Variants in CCDC88A observed in about 807,000 individuals in gnomAD.
The protein encoded by CCDC88A is coiled-coil and HOOK domain protein 88A.
CCDC88A carries 54 observed loss-of-function variants against 234.3 expected under a neutral mutation model. The ratio of observed to expected loss-of-function variants is 0.23; its 90% CI spans 0.19 to 0.29. The LOEUF (loss-of-function observed/expected upper bound fraction) is 0.29. Ranked by LOEUF, CCDC88A falls within the 10% of genes least tolerant of loss-of-function variation. The probability of loss-of-function intolerance (pLI) is 1.00; values close to 1 mark genes in which losing one functional copy is unlikely to be tolerated. For missense variants in CCDC88A, 1,832 were observed against 2,123.4 expected (o/e 0.86, Z 2.70); for synonymous variants, 753 against 737.8 (o/e 1.02, Z -0.33).
intron 7 of CCDC88A, chr2:55,362,003 T>C: frequency 4.9e-6 from 1 of 202,970 alleles, no homozygotes; most frequent in Non-Finnish European, 9.8e-6. Flanking sequence ...ACATCAACTA[T>C]ATTTTCAGTT....
intron 3 of CCDC88A, among the ~76,000 whole-genome samples, chr2:55,380,308 C>G (rs187025320): frequency 1.1e-4 from 17 of 151,856 alleles, no homozygotes; most frequent in Admixed American, 4.6e-4. Flanking sequence ...ATGAGGAGAA[C>G]GTTAAAATTT....
In CCDC88A at chr2:55,408,106, C is replaced by A. The variant is rs1255608714; in HGVS notation, c.164+10710G>T. Among the ~76,000 whole-genome samples the A allele has an allele frequency of 2.6e-5, 4 of 151,972 alleles. No homozygotes were observed. The East Asian group carries it at 5.8e-4, about 22-fold the overall frequency. On this transcript the variant is annotated intron_variant, in intron 2 of 32. Coordinates refer to ENST00000436346, the MANE Select transcript of CCDC88A (RefSeq NM_001365480.1). ...CATTAAAAAAATAAGGAAGAAAGTTCCTTCTCCACTTTACGTATCTTCATT... is the reference window on the plus strand; with the variant it reads ...CATTAAAAAAATAAGGAAGAAAGTTACTTCTCCACTTTACGTATCTTCATT...
intron 2 of CCDC88A, among the ~76,000 whole-genome samples, chr2:55,397,691 CA>C (rs1677860946): frequency 2.6e-5 from 4 of 151,418 alleles, no homozygotes; most frequent in Admixed American, 2.6e-4. Flanking sequence ...TGATTTTTTT[CA>C]AAAAAAGTGT....
At chr2:55,394,705 G>A (rs548173526) in intron 2 of CCDC88A, 18 of 150,536 alleles carry the variant, frequency 1.2e-4, no homozygotes, top group African/African-American at 4.2e-4. Flanking sequence ...TATACCTAAT[G>A]CTAAATGATG....
In CCDC88A at chr2:55,291,700, G is replaced by A; in HGVS notation, c.*11C>T. 6.3e-7 allele frequency: 1 copy of A among 1,581,144 alleles called. No homozygotes were observed. Among genetic ancestry groups the A allele is most frequent in the Middle Eastern group, 1.7e-4 (1 of 6,004 alleles). ...CCACTTGGCCCACATGTCATGTAGTGGGTAATAGAATTAGGAGCTTTGTTG... is the reference window on the plus strand; with the variant it reads ...CCACTTGGCCCACATGTCATGTAGTAGGTAATAGAATTAGGAGCTTTGTTG... On this transcript the variant is annotated 3_prime_UTR_variant, in exon 32 of 33. Transcript: ENST00000436346.
intron 13 of CCDC88A, among the ~76,000 whole-genome samples, chr2:55,338,781 G>T (rs930545802): frequency 2.0e-5 from 3 of 152,238 alleles, no homozygotes; most frequent in South Asian, 2.1e-4. Context: ...CCACTAGCCC[G>T]AGTTGAGACA....
intron 2 of CCDC88A, among the ~76,000 whole-genome samples, chr2:55,401,932 C>G (rs1470503093): frequency 1.3e-5 from 2 of 152,080 alleles, no homozygotes; most frequent in Non-Finnish European, 2.9e-5. Context: ...TAATTAAAAT[C>G]CAGTACTATA....
chr2:55,395,254 A>C (rs1574447657), intron 2 of CCDC88A, among the ~76,000 whole-genome samples: 1 of 152,238 alleles, frequency 6.6e-6, no homozygotes, highest in South Asian at 2.1e-4. Context: ...CAAGGATTTC[A>C]GGCACAAGCC....
intron 22 of CCDC88A, chr2:55,314,558 C>A (rs1682746612): frequency 6.6e-6 from 1 of 152,284 alleles, no homozygotes; most frequent in African/African-American, 2.4e-5. Flanking sequence ...GCATGTGCCA[C>A]CACGCCTGGC....
intron 2 of CCDC88A, among the ~76,000 whole-genome samples, chr2:55,412,808 T>G (rs1029944005): frequency 6.6e-6 from 1 of 152,232 alleles, no homozygotes; most frequent in African/African-American, 2.4e-5. Context: ...TTCTATTTGA[T>G]TCTCATAACA....
In CCDC88A at chr2:55,335,008, T is replaced by G; in HGVS notation, c.1813A>C (p.Lys605Gln). The G allele has an allele frequency of 6.2e-7, 1 of 1,607,788 alleles. No homozygotes were observed. Among genetic ancestry groups the G allele is most frequent in the Middle Eastern group, 1.7e-4 (1 of 6,042 alleles). ...SIKETSSKLS[K>Q]IEFEKRQIKK... ...ATTTGTCTTTTTTCAAATTCAATCT[T>G]GCTTAGCTTGCTACTTGTTTCTTTG... Residue 605 changes from lysine to glutamine, a missense_variant, in exon 15 of 33, where the codon AAG becomes CAG. Lys to Gln is a moderately conservative substitution (Grantham distance 53, BLOSUM62 1). Transcript: ENST00000436346. The surrounding 1 kb of genome is among the most constrained non-coding windows in gnomAD (Gnocchi z 4.5).
chr2:55,413,362 A>T (rs1680818313), intron 2 of CCDC88A, among the ~76,000 whole-genome samples: 1 of 152,164 alleles, frequency 6.6e-6, no homozygotes, highest in Non-Finnish European at 1.5e-5. Flanking sequence ...AAATAGACTT[A>T]TCTGTCCCTG....
At position 55,332,773 on chromosome 2, in the gene CCDC88A, C is replaced by G; in HGVS notation, c.2728-80G>C. 3.3e-6 allele frequency: 4 copies of G among 1,224,386 alleles called. No homozygotes were observed. Among genetic ancestry groups the G allele is most frequent in the Non-Finnish European group, 4.7e-6 (4 of 849,504 alleles). 75.8% of individuals were successfully genotyped at this position (1,224,386 alleles called of 1,614,324 possible). ...AGAAAGTCAGCTAAGATTCTAATTACCACCATCTAGGAATACATGTAATTT... is the reference window on the plus strand; with the variant it reads ...AGAAAGTCAGCTAAGATTCTAATTAGCACCATCTAGGAATACATGTAATTT... On this transcript the variant is annotated intron_variant, in intron 15 of 32. Transcript: ENST00000436346. This position sits in a 1 kb window ranked among gnomAD's most constrained non-coding sequence, Gnocchi z 4.5.
At chr2:55,350,632 A>G (rs1669758334) in intron 8 of CCDC88A, 1 of 148,708 alleles carries the variant, frequency 6.7e-6, no homozygotes, top group African/African-American at 2.4e-5. Context: ...TAATGTGTAT[A>G]TTATTTAAAA....
intron 9 of CCDC88A, 49 bp downstream of exon 9, chr2:55,349,469 A>C (rs367752322): frequency 3.1e-6 from 4 of 1,297,922 alleles, no homozygotes; most frequent in Non-Finnish European, 4.4e-6. Flanking sequence ...AAGAAAATCA[A>C]TTTCCAATTA....
At chr2:55,415,655 G>A (rs1040554198) in intron 2 of CCDC88A, among the ~76,000 whole-genome samples, 1 of 152,154 alleles carries the variant, frequency 6.6e-6, no homozygotes, top group Non-Finnish European at 1.5e-5. Flanking sequence ...TGAACAGTGA[G>A]AAAGATCTGC....
At chr2:55,322,423 T>A in intron 18 of CCDC88A, 105 bp downstream of exon 18, 1 of 669,532 alleles carries the variant, frequency 1.5e-6, no homozygotes, top group Non-Finnish European at 2.4e-6. Flanking sequence ...TCTTATTAAG[T>A]GCCATCAATT....
At chr2:55,391,324 T>C (rs1378865300) in intron 2 of CCDC88A, among the ~76,000 whole-genome samples, 1 of 151,504 alleles carries the variant, frequency 6.6e-6, no homozygotes, top group Non-Finnish European at 1.5e-5. Context: ...CAAAACAAAG[T>C]TTGTCACTCT....
chr2:55,292,513 G>A (rs1293436463), intron 31 of CCDC88A: 1 of 152,012 alleles, frequency 6.6e-6, no homozygotes, highest in Non-Finnish European at 1.5e-5. Flanking sequence ...GGGACACATC[G>A]GTTCCATATG....
Sources: gnomAD v4.1 joint callset for allele counts (sites outside exome capture counted in the v4.1 genomes callset) on GRCh38, gnomAD v4.1.1 for gene constraint, Gnocchi (gnomAD v3.1) non-coding constraint, MANE v1.5 for transcripts, NCBI Gene and HGNC (gene_info 2026-07-23, HGNC 2026-07-21) for gene names.